PIH1D2: variants seen among roughly 807,000 people sequenced by gnomAD.
PIH1D2 encodes the protein PIH1 domain containing 2, also known as PIH1 domain-containing protein 2.
PIH1D2 carries 25 observed loss-of-function variants against 31.2 expected under a neutral mutation model. That is an observed-to-expected ratio of 0.80 (90% CI 0.58 to 1.12). The LOEUF is 1.12. PIH1D2 is among the 50% of genes most tolerant of loss of function. The pLI is 0.00. For synonymous variants in PIH1D2, 116 were observed against 119.9 expected (o/e 0.97, Z 0.21); for missense variants, 310 against 356.6 (o/e 0.87, Z 1.05).
chr11:112,068,153 C>G, intron 5 of PIH1D2, 148 bp from the exon 6 acceptor site: 1 of 595,288 alleles, frequency 1.7e-6, no homozygotes, highest in Non-Finnish European at 2.9e-6. Context: ...TTGTAAATCC[C>G]TTAGATTTTA....
At chr11:112,060,329 T>G (rs1864498796), downstream of PIH1D2, among the ~76,000 whole-genome samples, 1 of 151,868 alleles carries the variant, frequency 6.6e-6, no homozygotes, top group South Asian at 2.1e-4. Flanking sequence ...CCCGGCTAGT[T>G]TTTTGTATTT....
downstream of PIH1D2, among the ~76,000 whole-genome samples, chr11:112,060,655 G>A (rs181452848): frequency 1.3e-5 from 2 of 150,358 alleles, no homozygotes; most frequent in Non-Finnish European, 3.0e-5. Context: ...TAGTAGTGTC[G>A]GGGTTTCACC....
chr11:112,070,412 TAC>T (rs781925045), intron 5 of PIH1D2, 22 bp downstream of exon 5: 6 of 1,603,804 alleles, frequency 3.7e-6, no homozygotes, highest in Non-Finnish European at 4.3e-6. Context: ...AATACAAATT[TAC>T]AGTGTTATCT....
chr11:112,066,826 G>A (rs1406184329), downstream of PIH1D2, among the ~76,000 whole-genome samples: 5 of 151,994 alleles, frequency 3.3e-5, no homozygotes, highest in Non-Finnish European at 5.9e-5. Flanking sequence ...ACTTTGCGAG[G>A]CTGAGGCAGA....
downstream of PIH1D2, among the ~76,000 whole-genome samples, chr11:112,067,319 C>T (rs782529368): frequency 4.0e-5 from 6 of 151,782 alleles, no homozygotes; most frequent in Non-Finnish European, 8.8e-5. Context: ...TGTGTCATAG[C>T]AATAGTTTTT....
In PIH1D2 at chr11:112,073,046, C is replaced by A; in HGVS notation, c.129G>T (p.Gln43His). 1.9e-6 allele frequency: 3 copies of A among 1,614,176 alleles called. No homozygotes were observed. Among genetic ancestry groups the A allele is most frequent in the Non-Finnish European group, 2.5e-6 (3 of 1,180,008 alleles). Residue 43 changes from glutamine to histidine, a missense_variant, in exon 2 of 6, where the codon CAG becomes CAT. By Grantham distance (24) the Gln-to-His change is conservative (BLOSUM62 0). Coordinates refer to ENST00000280350, the MANE Select transcript of PIH1D2 (RefSeq NM_138789.4). The part of the protein sequence containing the change: ...FIQQQLKEGK[Q>H]LCAAPEPQLC... ...GCTGTGGTTCTGGGGCAGCACAGAG[C>A]TGTTTCCCTTCTTTCAGCTGCTGCT...
At chr11:112,069,006 T>G (rs1411503300) in intron 5 of PIH1D2, among the ~76,000 whole-genome samples, 26 of 143,876 alleles carry the variant, frequency 1.8e-4, no homozygotes, top group Middle Eastern at 3.5e-3. Context: ...TTGTTTTTTT[T>G]TTTTTGAGGG....
downstream of PIH1D2, chr11:112,059,879 A>G (rs781864107): frequency 4.5e-6 from 7 of 1,542,862 alleles, no homozygotes; most frequent in East Asian, 1.5e-4. Flanking sequence ...GTTTTTTATT[A>G]TATTTATTTT....
the PIH1D2 span, among the ~76,000 whole-genome samples, chr11:112,055,281 T>C: frequency 7.0e-6 from 1 of 142,318 alleles, no homozygotes; most frequent in Admixed American, 7.3e-5. Flanking sequence ...TCCTGCTCTG[T>C]CGCCCAGGCT....
At chr11:112,072,283 G>A (rs1245119003) in intron 2 of PIH1D2, among the ~76,000 whole-genome samples, 1 of 151,884 alleles carries the variant, frequency 6.6e-6, no homozygotes, top group East Asian at 1.9e-4. Flanking sequence ...GGTGGCTCAC[G>A]TATGTTACCC....
the PIH1D2 span, among the ~76,000 whole-genome samples, chr11:112,055,708 C>T: frequency 6.6e-6 from 1 of 151,686 alleles, no homozygotes; most frequent in East Asian, 1.9e-4. Flanking sequence ...CTATGGCCAC[C>T]GTGATGATCG....
Position 112,072,894 on chromosome 11 carries a change from A to AAAAC in PIH1D2, c.177+103_177+104insGTTT, listed in dbSNP as rs1566660799. The AAAAC allele has an allele frequency of 3.3e-5, 40 of 1,215,490 alleles. No homozygotes were observed. The African/African-American group carries it at 5.7e-4, about 17-fold the overall frequency. The allele number at this position is 1,215,490 out of a possible 1,614,324, so 75.3% of individuals were successfully genotyped here. ...CAAAACAAAACAAAACAAAACAAAAAAAAAACAAAAAAAATTAGCAATACC... is the reference window on the plus strand; with the variant it reads ...CAAAACAAAACAAAACAAAACAAAAAAAACAAAAACAAAAAAAATTAGCAATACC... On this transcript the variant is annotated intron_variant, in intron 2 of 5. Transcript: ENST00000280350.
At chr11:112,056,555 T>G in the PIH1D2 span, among the ~76,000 whole-genome samples, 1,586 of 152,352 alleles carry the variant, frequency 0.01, 10 homozygotes, top group Non-Finnish European at 0.016. Context: ...TGTTTAATCG[T>G]ATCAATATAC....
chr11:112,072,549 CAAAAAAAAAAAAAAAA>C (rs148760956), intron 2 of PIH1D2, among the ~76,000 whole-genome samples: 6 of 36,340 alleles, frequency 1.7e-4, no homozygotes. Flanking sequence ...GACCCTATCT[CAAAAAAAAAAAAAAAA>C]AAAAAAAAAA....
At chr11:112,057,721 T>C in the PIH1D2 span, among the ~76,000 whole-genome samples, 20 of 152,150 alleles carry the variant, frequency 1.3e-4, no homozygotes, top group Non-Finnish European at 2.8e-4. Context: ...AAGGAGGCCA[T>C]AATAACATAA....
chr11:112,061,370 TATAATA>T, downstream of PIH1D2: 1 of 604,500 alleles, frequency 1.7e-6, no homozygotes, highest in Non-Finnish European at 2.9e-6. Context: ...ATTCTTGACT[TATAATA>T]ATACAATACC....
chr11:112,055,056 T>G, the PIH1D2 span, among the ~76,000 whole-genome samples: 1 of 152,096 alleles, frequency 6.6e-6, no homozygotes. Context: ...CATTGATAGG[T>G]TCCAGGGATT....
chr11:112,054,127 G>A, the PIH1D2 span, among the ~76,000 whole-genome samples: 1 of 151,694 alleles, frequency 6.6e-6, no homozygotes, highest in Admixed American at 6.6e-5. Context: ...TGGCCAACAT[G>A]GTGAAACCCT....
At chr11:112,067,049 C>G (rs138066277), downstream of PIH1D2, among the ~76,000 whole-genome samples, 1 of 151,866 alleles carries the variant, frequency 6.6e-6, no homozygotes, top group South Asian at 2.1e-4. Context: ...GGCAACACAG[C>G]GAGACTCAGT....
Sources: gnomAD v4.1 joint callset for allele counts (sites outside exome capture counted in the v4.1 genomes callset) on GRCh38, gnomAD v4.1.1 for gene constraint, MANE v1.5 for transcripts, NCBI Gene and HGNC (gene_info 2026-07-23, HGNC 2026-07-21) for gene names.